DLG2: variants seen among roughly 807,000 people sequenced by gnomAD.
DLG2 encodes the protein disks large homolog 2.
DLG2 carries 45 observed loss-of-function variants against 132.5 expected under a neutral mutation model. The observed-to-expected ratio is 0.34, with a 90% confidence interval of 0.27 to 0.44. The LOEUF (loss-of-function observed/expected upper bound fraction) is 0.44. Ranked by LOEUF, DLG2 falls within the 20% of genes least tolerant of loss-of-function variation. The pLI is 1.00. For synonymous variants in DLG2, 424 were observed against 419.6 expected (o/e 1.01, Z -0.13); for missense variants, 1,045 against 1,196.9 (o/e 0.87, Z 1.87).
At chr11:83,539,018 C>A (rs1565701396) in intron 20 of DLG2, among the ~76,000 whole-genome samples, 1 of 152,294 alleles carries the variant, frequency 6.6e-6, no homozygotes, top group East Asian at 1.9e-4. Flanking sequence ...CAATTTCAGG[C>A]ACATTAATGA....
chr11:84,624,503 T>C (rs1472528603), intron 6 of DLG2, among the ~76,000 whole-genome samples: 1 of 152,166 alleles, frequency 6.6e-6, no homozygotes, highest in Non-Finnish European at 1.5e-5. Flanking sequence ...ATGACTACTG[T>C]AGTTATAACT....
rs2072922181 is a variant in DLG2, at chr11:83,899,873, C to A, written c.1497-25385G>T. On this transcript the variant is annotated intron_variant, in intron 15 of 27. Transcript: ENST00000376104. ...ACTTGGTAATAGGCAGAGGCTGGAA[C>A]AGTTCGGAGGGCTCAGAAGAAGATA... is the stretch of plus-strand genomic sequence containing the variant. Among the ~76,000 whole-genome samples, 3 of 152,248 alleles carry A rather than the reference C, an allele frequency of 2.0e-5. No individual in the cohort carries two copies. In the South Asian group the frequency reaches 6.2e-4, roughly 32 times the overall value.
chr11:83,833,831 T>C, intron 16 of DLG2, 61 bp from the exon 17 acceptor site: 1 of 1,543,522 alleles, frequency 6.5e-7, no homozygotes, highest in Non-Finnish European at 8.8e-7. Flanking sequence ...TACGTTGCTT[T>C]TACTTTCAAT....
intron 6 of DLG2, among the ~76,000 whole-genome samples, chr11:84,538,645 A>G (rs1042377618): frequency 1.3e-5 from 2 of 151,898 alleles, no homozygotes; most frequent in African/African-American, 4.8e-5. Context: ...TGCACACATG[A>G]AATCTCATCT....
chr11:84,413,092 T>C (rs1343886519), intron 7 of DLG2, among the ~76,000 whole-genome samples: 4 of 152,224 alleles, frequency 2.6e-5, no homozygotes, highest in African/African-American at 9.6e-5. Flanking sequence ...GATGAATGAA[T>C]GACCTAGTTA....
intron 21 of DLG2, among the ~76,000 whole-genome samples, chr11:83,512,521 C>G (rs959662624): frequency 3.3e-5 from 5 of 151,798 alleles, no homozygotes; most frequent in African/African-American, 1.2e-4. Context: ...ATTATTGCAT[C>G]ATTTTATTTA....
intron 7 of DLG2, among the ~76,000 whole-genome samples, chr11:84,361,208 T>C (rs1413317172): frequency 6.6e-6 from 1 of 151,916 alleles, no homozygotes; most frequent in Non-Finnish European, 1.5e-5. Flanking sequence ...GTTTTCCACA[T>C]TTGATAACTA....
At chr11:84,882,635 T>G (rs1158640208) in intron 6 of DLG2, among the ~76,000 whole-genome samples, 2 of 152,124 alleles carry the variant, frequency 1.3e-5, no homozygotes, top group African/African-American at 4.8e-5. Context: ...GACTTTGGAA[T>G]CTGCAGCCTT....
chr11:84,057,740 T>C lies in DLG2; in HGVS notation c.919+1575A>G, dbSNP rs1001892704. On this transcript the variant is annotated intron_variant, in intron 11 of 27. Coordinates refer to ENST00000376104, the MANE Select transcript of DLG2 (RefSeq NM_001142699.3). Reference sequence around the variant, plus strand: ...TTGTGCCAGGCCTTATTCTAAATACTTTTTGTGAATCAACTCATCTAATCC... The same window carrying C: ...TTGTGCCAGGCCTTATTCTAAATACCTTTTGTGAATCAACTCATCTAATCC... Among the ~76,000 whole-genome samples the C allele has an allele frequency of 5.3e-5, 8 of 152,304 alleles. 1 individual carries two copies. The highest frequency in any genetic ancestry group is 5.2e-4 in the Admixed American group (8 of 15,268).
At chr11:85,428,906 G>A (rs1414201821) in intron 3 of DLG2, among the ~76,000 whole-genome samples, 1 of 151,912 alleles carries the variant, frequency 6.6e-6, no homozygotes, top group Non-Finnish European at 1.5e-5. Flanking sequence ...AGAAAAGAGA[G>A]AAGAATTAAA....
chr11:84,904,224 A>G (rs1434029224), intron 6 of DLG2, among the ~76,000 whole-genome samples: 1 of 152,164 alleles, frequency 6.6e-6, no homozygotes, highest in African/African-American at 2.4e-5. Context: ...CTGGAACATA[A>G]TGGTGCAACA....
intron 6 of DLG2, among the ~76,000 whole-genome samples, chr11:84,870,573 C>T (rs1353514145): frequency 6.6e-6 from 1 of 152,134 alleles, no homozygotes; most frequent in African/African-American, 2.4e-5. Context: ...AATCACTCTC[C>T]AAGTAACTCG....
intron 11 of DLG2, among the ~76,000 whole-genome samples, chr11:84,025,379 C>T (rs2095510625): frequency 1.3e-5 from 2 of 150,426 alleles, no homozygotes; most frequent in African/African-American, 4.8e-5. Context: ...AAAGACCTGC[C>T]CCCATGTTTC....
chr11:85,527,372 G>T (rs933561475), intron 3 of DLG2, among the ~76,000 whole-genome samples: 2 of 151,892 alleles, frequency 1.3e-5, no homozygotes, highest in Admixed American at 1.3e-4. Flanking sequence ...ACAGGCTCTG[G>T]TGTGTGATGT....
At chr11:84,125,097 G>A (rs143881540) in intron 9 of DLG2, among the ~76,000 whole-genome samples, 4 of 152,002 alleles carry the variant, frequency 2.6e-5, no homozygotes, top group African/African-American at 7.2e-5. Context: ...TGATATGCCC[G>A]TCTCGGCCTC....
chr11:84,280,680 C>G (rs1212610593), intron 7 of DLG2, among the ~76,000 whole-genome samples: 2 of 136,340 alleles, frequency 1.5e-5, no homozygotes, highest in East Asian at 4.0e-4. Context: ...AACCATACAT[C>G]TATAAATAAC....
chr11:84,327,430 CA>C lies in DLG2; in HGVS notation c.520-76140del, dbSNP rs1379482605. Among the ~76,000 whole-genome samples the C allele has an allele frequency of 2.6e-5, 4 of 152,114 alleles. No individual in the cohort carries two copies. In the East Asian group the frequency reaches 5.8e-4, roughly 22 times the overall value. The stretch of plus-strand genomic sequence containing the variant: ...ACTTAGCTATTCTATCTTTTGATTG[CA>C]AAGTTTAATCCATTTACATTTAAAG... On this transcript the variant is annotated intron_variant, in intron 7 of 27. Coordinates refer to ENST00000376104, the MANE Select transcript of DLG2 (RefSeq NM_001142699.3).
chr11:84,553,657 AG>A (rs1592218300), intron 6 of DLG2, among the ~76,000 whole-genome samples: 1 of 152,188 alleles, frequency 6.6e-6, no homozygotes, highest in South Asian at 2.1e-4. Flanking sequence ...GGAACCATAA[AG>A]GTTAACTTCC....
intron 6 of DLG2, among the ~76,000 whole-genome samples, chr11:84,793,014 T>C (rs2074082475): frequency 6.6e-6 from 1 of 152,162 alleles, no homozygotes; most frequent in Non-Finnish European, 1.5e-5. Context: ...TTAAATAATT[T>C]GAAGTTTTTC....
Sources: allele counts gnomAD v4.1 joint callset (sites outside exome capture counted in the v4.1 genomes callset), GRCh38; gene constraint gnomAD v4.1.1; transcripts MANE v1.5; gene names NCBI Gene and HGNC (gene_info 2026-07-23, HGNC 2026-07-21).